KIAA0753: variants seen among roughly 807,000 people sequenced by gnomAD.
KIAA0753 encodes the protein protein moonraker.
In KIAA0753, 114 loss-of-function variants were observed where a neutral mutation model predicts 116.9. The observed-to-expected ratio is 0.98, with a 90% CI of 0.84 to 1.14. KIAA0753 has a LOEUF of 1.14. Among genes scored for constraint, KIAA0753 ranks in the 50% most tolerant of loss-of-function variants. The pLI, the probability that KIAA0753 is intolerant of heterozygous loss-of-function variation, is 0.00. For missense variants in KIAA0753, 1,156 were observed against 1,172.4 expected, an observed-to-expected ratio of 0.99 and a Z score of 0.20; for synonymous variants, 405 against 413.1, an observed-to-expected ratio of 0.98 and a Z score of 0.24.
intron 18 of KIAA0753, 68 bp downstream of exon 18, chr17:6,589,711 C>G: frequency 8.1e-7 from 1 of 1,232,172 alleles, no homozygotes; most frequent in Non-Finnish European, 1.2e-6. Context: ...AATGCTTTCT[C>G]CAGCTTTTTC....
rs33914667 is a variant in KIAA0753 at position 6,580,899 on chromosome 17, TACAC to T, written c.2787-1039_2787-1036del. On this transcript the variant is annotated intron_variant, in intron 18 of 18. Coordinates refer to ENST00000361413, the MANE Select transcript of KIAA0753 (RefSeq NM_014804.3). ...GGGACTCTGCACGGGTGCTCCTCTG[TACAC>T]ACACACACACACACACACACACACA... 3.4e-4 allele frequency among the ~76,000 whole-genome samples: 49 copies of T among 144,032 alleles called. 1 individual carries two copies. Among genetic ancestry groups the T allele is most frequent in the African/African-American group, 9.1e-4 (34 of 37,170 alleles). The allele number at this position is 144,032 out of a possible 152,430, so 94.5% of individuals were successfully genotyped here.
In KIAA0753 at chr17:6,579,760, T is replaced by A. The variant is rs546336520; in HGVS notation, c.2891A>T (p.Glu964Val). Residue 964 changes from glutamate (E) to valine (V), a missense_variant, in exon 19 of 19, where the codon GAG (glutamate) becomes GTG (valine). Physicochemically the swap from Glu to Val is moderately radical, Grantham distance 121. Coordinates refer to ENST00000361413, the MANE Select transcript of KIAA0753 (RefSeq NM_014804.3). ...AEAVFTSEFL[E>V]AAT ...CTCAGAGAGCCTTTATGTAGCAGCC[T>A]CTAAGAATTCTGAGGTGAACACAGC... The A allele has an allele frequency of 6.2e-6, 10 of 1,612,792 alleles. No individual in the cohort carries two copies. Among genetic ancestry groups the A allele is most frequent in the Middle Eastern group, 1.7e-4 (1 of 6,058 alleles).
At chr17:6,617,698 A>G (rs1257549646) in intron 7 of KIAA0753, among the ~76,000 whole-genome samples, 1 of 152,204 alleles carries the variant, frequency 6.6e-6, no homozygotes, top group African/African-American at 2.4e-5. Flanking sequence ...AGACCATGCC[A>G]TGATTAGAAG....
At chr17:6,597,263 T>A (rs7209067) in intron 14 of KIAA0753, among the ~76,000 whole-genome samples, 84,227 of 151,960 alleles carry the variant, frequency 0.55, 23,709 homozygotes, top group East Asian at 0.72. Context: ...TAATGGCCAA[T>A]AAAGATATGA....
At chr17:6,592,919 T>C (rs1969178413) in intron 16 of KIAA0753, among the ~76,000 whole-genome samples, 1 of 152,072 alleles carries the variant, frequency 6.6e-6, no homozygotes, top group South Asian at 2.1e-4. Context: ...AACCTCTATC[T>C]AAGTAGACTG....
Position 6,611,979 on chromosome 17 carries a change from C to A in KIAA0753, c.1485G>T (p.Lys495Asn), listed in dbSNP as rs1481620980. 1 of 1,614,070 alleles carries A rather than the reference C, an allele frequency of 6.2e-7. No individual in the cohort carries two copies. Among genetic ancestry groups the A allele is most frequent in the African/African-American group, 1.3e-5 (1 of 74,918 alleles). The change falls in exon 8 of 19, where the codon AAG becomes AAT. Residue 495 changes from lysine to asparagine, a missense_variant. By Grantham distance (94) the Lys-to-Asn change is moderately conservative. Coordinates refer to ENST00000361413, the MANE Select transcript of KIAA0753 (RefSeq NM_014804.3). ...TAAACGGCACATTCTCAGTCACAGGCTTCTTTTTCCCTGCTTTTGTTTTTG... is the reference window on the plus strand; with the variant it reads ...TAAACGGCACATTCTCAGTCACAGGATTCTTTTTCCCTGCTTTTGTTTTTG... ...AVAKTKAGKK[K>N]PVTENVPFRK...
Position 6,607,286 on chromosome 17 carries a change from A to G in KIAA0753, c.1830-16T>C. 1 of 1,612,118 alleles carries G rather than the reference A, an allele frequency of 6.2e-7. No homozygotes were observed. The highest frequency in any genetic ancestry group is 8.5e-7 in the Non-Finnish European group (1 of 1,178,382). ...CCAAGCGAGCCTAGCAGACAGTCAA[A>G]AGAGTCAAACCAATTCTGCCTCGAC... On this transcript the variant is annotated splice_polypyrimidine_tract_variant and intron_variant, in intron 10 of 18. Coordinates refer to ENST00000361413, the MANE Select transcript of KIAA0753 (RefSeq NM_014804.3).
intron 16 of KIAA0753, among the ~76,000 whole-genome samples, chr17:6,593,187 A>AT (rs1969199647): frequency 6.6e-6 from 1 of 152,250 alleles, no homozygotes; most frequent in South Asian, 2.1e-4. Flanking sequence ...CCAAAAAAAA[A>AT]CTGACAAAAG....
At chr17:6,598,722 C>T (rs956981987) in intron 14 of KIAA0753, among the ~76,000 whole-genome samples, 1 of 152,170 alleles carries the variant, frequency 6.6e-6, no homozygotes, top group Admixed American at 6.5e-5. Flanking sequence ...GAGTGGACAA[C>T]AAGAAAATGT....
chr17:6,626,323 A>T (rs1042184118), intron 3 of KIAA0753, among the ~76,000 whole-genome samples: 2 of 152,220 alleles, frequency 1.3e-5, no homozygotes, highest in Non-Finnish European at 2.9e-5. Context: ...ATAAGTTCAA[A>T]TTTTTAATAT....
chr17:6,624,895 T>C (rs1971566349), intron 3 of KIAA0753, 34 bp from the exon 4 acceptor site: 3 of 1,343,464 alleles, frequency 2.2e-6, no homozygotes, highest in South Asian at 2.5e-5. Flanking sequence ...CAAAAGTGGA[T>C]TATAAACCAT....
chr17:6,598,455 C>T (rs1332399717), intron 14 of KIAA0753, among the ~76,000 whole-genome samples: 1 of 152,190 alleles, frequency 6.6e-6, no homozygotes, highest in Non-Finnish European at 1.5e-5. Context: ...ATTCTTGAAA[C>T]CTACCTTCTT....
chr17:6,610,073 T>C lies in KIAA0753; in HGVS notation c.1633A>G (p.Met545Val). ...QQTTVSSRLK[M>V]NRQPVKDRKA... ...CGGTCTTTCACAGGCTGCCGGTTCA[T>C]TTTTAATCTGGATGAAACTGTTGTC... Residue 545 changes from methionine (M) to valine (V), a missense_variant, in exon 9 of 19, where the codon ATG becomes GTG. Coordinates refer to ENST00000361413, the MANE Select transcript of KIAA0753 (RefSeq NM_014804.3). 1 of 1,614,172 alleles carries C rather than the reference T, an allele frequency of 6.2e-7. No individual in the cohort carries two copies. The highest frequency in any genetic ancestry group is 8.5e-7 in the Non-Finnish European group (1 of 1,180,022).
intron 1 of KIAA0753, 85 bp downstream of exon 1, chr17:6,640,552 G>A (rs994164456): frequency 6.6e-6 from 1 of 151,996 alleles, no homozygotes; most frequent in Non-Finnish European, 1.5e-5. Flanking sequence ...AGCAACAAAG[G>A]CTTTCCGAGT....
At position 6,602,680 on chromosome 17, in the gene KIAA0753, T is replaced by C. The variant is rs558387218; in HGVS notation, c.2010-2222A>G. ...TCTAGGTTGAAGGACAAATTATCTA[T>C]CTTGATTAGCGTTTTGGTTACCCAG... On this transcript the variant is annotated intron_variant, in intron 12 of 18. Transcript: ENST00000361413. Among the ~76,000 whole-genome samples the C allele has an allele frequency of 7.9e-5, 12 of 152,344 alleles. 1 individual carries two copies. In the South Asian group the frequency reaches 2.5e-3, roughly 32 times the overall value.
At chr17:6,621,922 C>T (rs1971355109) in intron 6 of KIAA0753, among the ~76,000 whole-genome samples, 2 of 152,132 alleles carry the variant, frequency 1.3e-5, no homozygotes, top group South Asian at 2.1e-4. Flanking sequence ...GTTCTATATA[C>T]ACGAATGTAA....
chr17:6,594,922 G>A (rs528420570), intron 16 of KIAA0753, 50 bp downstream of exon 16: 2 of 1,422,136 alleles, frequency 1.4e-6, no homozygotes, highest in Admixed American at 1.8e-5. Context: ...CTGTATGTTT[G>A]AAATTCTTCA....
intron 9 of KIAA0753, among the ~76,000 whole-genome samples, chr17:6,609,320 A>G (rs541741196): frequency 6.6e-6 from 1 of 152,322 alleles, no homozygotes; most frequent in African/African-American, 2.4e-5. Context: ...TGTTTTCAAA[A>G]ACTACTGCCT....
chr17:6,634,068 G>GA (rs1239434780), intron 2 of KIAA0753, among the ~76,000 whole-genome samples: 1 of 144,984 alleles, frequency 6.9e-6, no homozygotes, highest in South Asian at 2.2e-4. Flanking sequence ...TATATTGAAA[G>GA]AAAAAAATCA....
Sources: allele counts gnomAD v4.1 joint callset (sites outside exome capture counted in the v4.1 genomes callset), GRCh38; gene constraint gnomAD v4.1.1; transcripts MANE v1.5; gene names NCBI Gene and HGNC (gene_info 2026-07-23, HGNC 2026-07-21).